The following FZD6 variants were observed in gnomAD, a reference collection of about 807,000 sequenced individuals.
FZD6 encodes the protein frizzled class receptor 6, also known as frizzled-6.
Under a neutral mutation model 61.4 loss-of-function variants are expected in FZD6, and 49 were observed. The ratio of observed to expected loss-of-function variants is 0.80; its 90% CI spans 0.63 to 1.01. The LOEUF is 1.01. Ranked by LOEUF, FZD6 falls within the 50% of genes least tolerant of loss-of-function variation. The pLI is 0.00. For synonymous variants in FZD6, 265 were observed against 292.2 expected, an observed-to-expected ratio of 0.91 and a Z score of 0.95; for missense variants, 724 against 848.2, an observed-to-expected ratio of 0.85 and a Z score of 1.82.
At chr8:103,329,082 A>G (rs375201656) in intron 5 of FZD6, among the ~76,000 whole-genome samples, 1 of 144,778 alleles carries the variant, frequency 6.9e-6, no homozygotes, top group Non-Finnish European at 1.5e-5. Flanking sequence ...ATTGTTCCCC[A>G]TTGGTTTGCT....
In FZD6 at chr8:103,300,068, TTCA is replaced by T. The variant is rs1318871556; in HGVS notation, c.-37_-35del. The T allele has an allele frequency of 1.7e-6, 2 of 1,193,862 alleles. No homozygotes were observed. The highest frequency in any genetic ancestry group is 3.4e-5 in the Admixed American group (2 of 59,344). 74.0% of individuals were successfully genotyped at this position (1,193,862 alleles called of 1,614,324 possible). On this transcript the variant is annotated 5_prime_UTR_variant, in exon 2 of 7. Coordinates refer to ENST00000358755, the MANE Select transcript of FZD6 (RefSeq NM_003506.4). ...GATCTTCTGAGGATGCAAAGAGTGA[TTCA>T]TCCAAGCCATGTGGTAAAATCAGGA...
At chr8:103,309,144 A>C (rs1214024753) in intron 2 of FZD6, among the ~76,000 whole-genome samples, 4 of 152,186 alleles carry the variant, frequency 2.6e-5, no homozygotes, top group Non-Finnish European at 5.9e-5. Context: ...TCCATCCCTG[A>C]GTTCCTGAAT....
Position 103,331,412 on chromosome 8 carries a change from C to A in FZD6, c.2024C>A (p.Ser675Ter). 6.2e-7 allele frequency: 1 copy of A among 1,609,820 alleles called. No homozygotes were observed. Among genetic ancestry groups the A allele is most frequent in the Non-Finnish European group, 8.5e-7 (1 of 1,176,132 alleles). The change falls in exon 7 of 7, where the codon TCA becomes TAA. Residue 675 changes from serine (S) to a stop codon, truncating the protein, a stop_gained. Transcript: ENST00000358755. LOFTEE classifies it low-confidence loss of function (END_TRUNC). ...AACAATTTGCAGGTCCCCAGTTCTT[C>A]AGAACCAAGCAGCCTCAAAGGTTCC... ...QSNNLQVPSS[S>*]EPSSLKGSTS...
chr8:103,304,403 C>T (rs757327231), intron 2 of FZD6, among the ~76,000 whole-genome samples: 10 of 152,200 alleles, frequency 6.6e-5, no homozygotes, highest in South Asian at 2.1e-4. Context: ...CTCACAGACT[C>T]CTATCCCAAC....
chr8:103,325,070 C>T lies in FZD6; in HGVS notation c.964C>T (p.Gln322Ter), dbSNP rs748134351. 1 of 1,614,108 alleles carries T rather than the reference C, an allele frequency of 6.2e-7. No individual in the cohort carries two copies. Residue 322 changes from glutamine to a stop codon, truncating the protein, a stop_gained, in exon 4 of 7, where the codon CAA becomes TAA. Transcript: ENST00000358755. LOFTEE classifies it high-confidence loss of function. ...AAAATGGAGTTGTGAAGCCATCGAGCAAAAAGCAGTGTGGTTTCATGCTGT... is the reference window on the plus strand; with the variant it reads ...AAAATGGAGTTGTGAAGCCATCGAGTAAAAAGCAGTGTGGTTTCATGCTGT... The part of the protein sequence containing the change: ...GRKWSCEAIE[Q>*]KAVWFHAVAW...
intron 3 of FZD6, among the ~76,000 whole-genome samples, chr8:103,323,230 G>A (rs1054247112): frequency 6.6e-6 from 1 of 152,084 alleles, no homozygotes; most frequent in African/African-American, 2.4e-5. Context: ...AGGAGAGAGA[G>A]AAGGAACTAA....
chr8:103,324,808 T>G lies in FZD6; in HGVS notation c.702T>G (p.Ile234Met). 6.2e-7 allele frequency: 1 copy of G among 1,612,312 alleles called. No homozygotes were observed. The highest frequency in any genetic ancestry group is 2.2e-5 in the East Asian group (1 of 44,874). ...GATTCAGATACCCAGAGAGACCAAT[T>G]ATATATTACTCTGTCTGTTACAGCA... The part of the protein sequence containing the change: ...VRRFRYPERP[I>M]IYYSVCYSIV... Residue 234 changes from isoleucine (I) to methionine (M), a missense_variant, in exon 4 of 7, where the codon ATT becomes ATG. Physicochemically the swap from Ile to Met is conservative, Grantham distance 10. Transcript: ENST00000358755.
At position 103,315,797 on chromosome 8, in the gene FZD6, C is replaced by T. The variant is rs75505901; in HGVS notation, c.178-2793C>T. ...GAATAAAGCTGGAAAAGAAAACCCT[C>T]AATACTAAAAGGCTTTGAACAGAAA... On this transcript the variant is annotated intron_variant, in intron 2 of 6. Transcript: ENST00000358755. Among the ~76,000 whole-genome samples, 189 of 152,312 alleles carry T rather than the reference C, an allele frequency of 1.2e-3. 4 individuals carry two copies. In the East Asian group the frequency reaches 0.035, roughly 28 times the overall value.
intron 2 of FZD6, among the ~76,000 whole-genome samples, chr8:103,315,874 A>C (rs958165418): frequency 3.3e-5 from 5 of 152,220 alleles, no homozygotes; most frequent in African/African-American, 1.2e-4. Context: ...CCTGCCCTTG[A>C]GAGGCAGCCT....
intron 2 of FZD6, among the ~76,000 whole-genome samples, chr8:103,316,759 C>T (rs558182162): frequency 3.3e-5 from 5 of 152,076 alleles, no homozygotes; most frequent in East Asian, 1.9e-4. Flanking sequence ...TTTTTTCCCC[C>T]CTCTGGAAAC....
At chr8:103,322,290 G>A (rs918901733) in intron 3 of FZD6, among the ~76,000 whole-genome samples, 1 of 149,560 alleles carries the variant, frequency 6.7e-6, no homozygotes, top group African/African-American at 2.5e-5. Flanking sequence ...GTACACAGCT[G>A]TATTCTCAGC....
chr8:103,329,784 C>T lies in FZD6; in HGVS notation c.1671C>T (p.Ser557=), dbSNP rs1340941128. ...ACAAGCTGAAGGTCATTTCCAAATC[C>T]ATGGGAACCAGCACAGGAGCTACAG... The part of the protein sequence containing the change: ...SSHKLKVISK[S]MGTSTGATAN... Residue 557 remains serine (S), a synonymous_variant, in exon 6 of 7, where the codon TCC becomes TCT. Transcript: ENST00000358755. The T allele has an allele frequency of 1.2e-6, 2 of 1,614,102 alleles. No individual in the cohort carries two copies. The highest frequency in any genetic ancestry group is 3.3e-5 in the Admixed American group (2 of 60,026).
At chr8:103,305,011 G>A (rs1203693457) in intron 2 of FZD6, among the ~76,000 whole-genome samples, 1 of 152,178 alleles carries the variant, frequency 6.6e-6, no homozygotes, top group African/African-American at 2.4e-5. Flanking sequence ...TTACAATTCT[G>A]CATAGTAACG....
intron 3 of FZD6, among the ~76,000 whole-genome samples, chr8:103,319,358 A>T (rs539030441): frequency 1.6e-4 from 24 of 152,246 alleles, no homozygotes; most frequent in Middle Eastern, 6.8e-3. Flanking sequence ...AAGGAAAGAG[A>T]GAGAAGCAGC....
chr8:103,317,295 C>T (rs1427643227), intron 2 of FZD6, among the ~76,000 whole-genome samples: 1 of 152,156 alleles, frequency 6.6e-6, no homozygotes, highest in African/African-American at 2.4e-5. Context: ...AAACTGGAGA[C>T]ATAGCGGGGA....
At chr8:103,322,270 A>T (rs1158695144) in intron 3 of FZD6, among the ~76,000 whole-genome samples, 1 of 151,924 alleles carries the variant, frequency 6.6e-6, no homozygotes, top group Non-Finnish European at 1.5e-5. Flanking sequence ...AGCATAAGCC[A>T]GGCATGGTGG....
chr8:103,298,778 C>CGCCGCT (rs2130248124), upstream of FZD6: 1 of 66,544 alleles, frequency 1.5e-5, no homozygotes, highest in East Asian at 2.5e-4. Context: ...CCAGTCCCGC[C>CGCCGCT]GCCGCCGCCG....
chr8:103,306,882 T>C (rs1814349863), intron 2 of FZD6, among the ~76,000 whole-genome samples: 1 of 152,088 alleles, frequency 6.6e-6, no homozygotes, highest in Non-Finnish European at 1.5e-5. Context: ...AAATCGACTT[T>C]GTTTTTGGTG....
intron 2 of FZD6, among the ~76,000 whole-genome samples, chr8:103,305,076 T>C (rs1196989708): frequency 2.0e-5 from 3 of 152,222 alleles, no homozygotes; most frequent in Non-Finnish European, 4.4e-5. Context: ...GAAAAACAAA[T>C]GGCTACTGGT....
Sources: gnomAD v4.1 joint callset for allele counts (sites outside exome capture counted in the v4.1 genomes callset) on GRCh38, gnomAD v4.1.1 for gene constraint, MANE v1.5 for transcripts, NCBI Gene and HGNC (gene_info 2026-07-23, HGNC 2026-07-21) for gene names.